The following PIP5K1B variants were observed in gnomAD, a reference collection of about 807,000 sequenced individuals.
The protein encoded by PIP5K1B is phosphatidylinositol-4-phosphate 5-kinase type 1 beta, also known as phosphatidylinositol 4-phosphate 5-kinase type-1 beta.
Under a neutral mutation model 67.0 loss-of-function variants are expected in PIP5K1B, and 42 were observed. The observed-to-expected ratio is 0.63, with a 90% CI of 0.49 to 0.81. PIP5K1B has a LOEUF of 0.81. Among genes scored for constraint, PIP5K1B ranks in the 30% least tolerant of loss-of-function variants. PIP5K1B has a pLI of 0.00. For missense variants in PIP5K1B, 459 were observed against 646.3 expected (o/e 0.71, Z 3.14); for synonymous variants, 214 against 231.4 (o/e 0.92, Z 0.68).
chr9:68,736,552 A>G (rs1476937835), intron 1 of PIP5K1B, among the ~76,000 whole-genome samples: 1 of 152,190 alleles, frequency 6.6e-6, no homozygotes, highest in Non-Finnish European at 1.5e-5. Flanking sequence ...GAGTCCTAAA[A>G]TCAAGGTGTT....
chr9:68,815,984 A>G (rs1235087363), intron 2 of PIP5K1B, among the ~76,000 whole-genome samples: 1 of 152,236 alleles, frequency 6.6e-6, no homozygotes, highest in African/African-American at 2.4e-5. Flanking sequence ...GAAGAAGTAG[A>G]GAGCTATACT....
chr9:68,860,093 G>A (rs748156568), intron 4 of PIP5K1B, among the ~76,000 whole-genome samples: 14 of 151,900 alleles, frequency 9.2e-5, no homozygotes, highest in Non-Finnish European at 1.6e-4. Context: ...TTTAACATAC[G>A]ATCATTGTTA....
chr9:68,796,231 A>C (rs913274648), intron 2 of PIP5K1B, among the ~76,000 whole-genome samples: 7 of 152,050 alleles, frequency 4.6e-5, no homozygotes, highest in African/African-American at 1.7e-4. Flanking sequence ...TGATAGTTGC[A>C]TTTTTTTGAT....
At chr9:69,004,567 G>A (rs749319131) in intron 15 of PIP5K1B, among the ~76,000 whole-genome samples, 8 of 152,142 alleles carry the variant, frequency 5.3e-5, no homozygotes, top group Non-Finnish European at 7.3e-5. Flanking sequence ...ACACCCATTC[G>A]GTCAGGATGG....
At chr9:68,735,316 C>CTTTTTGTTTTTT (rs1828674364) in intron 1 of PIP5K1B, among the ~76,000 whole-genome samples, 1 of 29,768 alleles carries the variant, frequency 3.4e-5, no homozygotes, top group Non-Finnish European at 6.1e-5. Flanking sequence ...CCCCTAGTGT[C>CTTTTTGTTTTTT]TTTTTTTTTT....
chr9:68,930,102 G>GT (rs1477336303), intron 12 of PIP5K1B, among the ~76,000 whole-genome samples: 3 of 152,094 alleles, frequency 2.0e-5, no homozygotes, highest in Non-Finnish European at 4.4e-5. Flanking sequence ...CTCCTCCTTG[G>GT]TATCCTTTGG....
chr9:68,827,264 C>T (rs979044780), intron 4 of PIP5K1B, among the ~76,000 whole-genome samples: 1 of 152,046 alleles, frequency 6.6e-6, no homozygotes, highest in African/African-American at 2.4e-5. Context: ...TGACAGCTAC[C>T]CTTGGGTGCT....
intron 1 of PIP5K1B, among the ~76,000 whole-genome samples, chr9:68,730,801 A>T (rs1240480292): frequency 6.6e-6 from 1 of 152,212 alleles, no homozygotes; most frequent in South Asian, 2.1e-4. Context: ...GGTAGGCTTT[A>T]TGTATATGCT....
At chr9:68,935,763 A>AT (rs1827233261) in intron 13 of PIP5K1B, 1 of 152,182 alleles carries the variant, frequency 6.6e-6, no homozygotes, top group Non-Finnish European at 1.5e-5. Flanking sequence ...TTAATGATTT[A>AT]TTTTTTGGTA....
At chr9:68,872,602 T>C (rs554046038) in intron 5 of PIP5K1B, among the ~76,000 whole-genome samples, 1 of 152,348 alleles carries the variant, frequency 6.6e-6, no homozygotes, top group African/African-American at 2.4e-5. Flanking sequence ...GAAGAGTTCC[T>C]TTTGTCCCTG....
intron 2 of PIP5K1B, among the ~76,000 whole-genome samples, chr9:68,806,991 C>G (rs934184003): frequency 2.2e-5 from 3 of 136,436 alleles, no homozygotes; most frequent in Non-Finnish European, 4.6e-5. Context: ...TATTAAAGAA[C>G]ATTCCATATA....
At chr9:68,833,750 G>A (rs1487532104) in intron 4 of PIP5K1B, among the ~76,000 whole-genome samples, 3 of 152,218 alleles carry the variant, frequency 2.0e-5, no homozygotes, top group African/African-American at 7.2e-5. Context: ...TTGGATGTGG[G>A]GGTGAGGGCA....
At chr9:68,900,862 C>CT (rs1314750737) in intron 8 of PIP5K1B, among the ~76,000 whole-genome samples, 1 of 152,112 alleles carries the variant, frequency 6.6e-6, no homozygotes, top group African/African-American at 2.4e-5. Flanking sequence ...AAAGAAGGGT[C>CT]TTTCTATGTA....
intron 14 of PIP5K1B, among the ~76,000 whole-genome samples, chr9:68,971,906 A>C (rs1829391474): frequency 6.6e-6 from 1 of 152,150 alleles, no homozygotes; most frequent in African/African-American, 2.4e-5. Flanking sequence ...AGATGGATAG[A>C]TTGCAAAAAT....
intron 15 of PIP5K1B, among the ~76,000 whole-genome samples, chr9:68,991,884 G>A (rs917906901): frequency 1.3e-5 from 2 of 152,152 alleles, no homozygotes; most frequent in African/African-American, 4.8e-5. Flanking sequence ...AAGATACCCT[G>A]ATGGGCTACA....
At chr9:68,861,015 C>T (rs1343445928) in intron 4 of PIP5K1B, among the ~76,000 whole-genome samples, 1 of 152,136 alleles carries the variant, frequency 6.6e-6, no homozygotes, top group East Asian at 1.9e-4. Flanking sequence ...GTAGTAAACA[C>T]TACATTAGTA....
At chr9:68,919,844 T>G in intron 11 of PIP5K1B, 115 bp downstream of exon 11, 1 of 593,412 alleles carries the variant, frequency 1.7e-6, no homozygotes, top group Middle Eastern at 4.6e-4. Context: ...ACAACGGTCT[T>G]TATAAACTCA....
chr9:68,874,486 A>G (rs1823780583), intron 5 of PIP5K1B, among the ~76,000 whole-genome samples: 1 of 152,192 alleles, frequency 6.6e-6, no homozygotes, highest in Admixed American at 6.5e-5. Context: ...ATCGTTTTAT[A>G]CCATAACTGA....
intron 1 of PIP5K1B, chr9:68,707,842 A>G (rs1827195056): frequency 6.6e-6 from 1 of 152,216 alleles, no homozygotes; most frequent in African/African-American, 2.4e-5. Flanking sequence ...ATTTGGCCGT[A>G]TGACCTGGGC....
Sources: gnomAD v4.1 joint callset for allele counts (sites outside exome capture counted in the v4.1 genomes callset) on GRCh38, gnomAD v4.1.1 for gene constraint, MANE v1.5 for transcripts, NCBI Gene and HGNC (gene_info 2026-07-23, HGNC 2026-07-21) for gene names.